The following ENTREP1 variants were observed in gnomAD, a reference collection of about 807,000 sequenced individuals.
ENTREP1 encodes the protein endosomal transmembrane epsin interactor 1, also known as Friedreich ataxia region gene X123.
At chr9:69,387,806 C>T in the ENTREP1 span, 18 of 999,216 alleles carry the variant, frequency 1.8e-5, no homozygotes, top group Non-Finnish European at 2.3e-5. Flanking sequence ...TGGTCAGCCA[C>T]ATTTTTCCTG....
chr9:69,335,344 G>A, the ENTREP1 span, among the ~76,000 whole-genome samples: 17 of 152,296 alleles, frequency 1.1e-4, no homozygotes, highest in East Asian at 1.2e-3. Flanking sequence ...GTGGAGCGGT[G>A]GAATCAGTGA....
chr9:69,391,730 G>A, the ENTREP1 span: 30 of 1,613,830 alleles, frequency 1.9e-5, no homozygotes, highest in South Asian at 6.6e-5. Context: ...GCCCCGAGCC[G>A]AGAGGAGGCC....
the ENTREP1 span, chr9:69,329,378 C>A: frequency 9.6e-5 from 93 of 969,490 alleles, 1 homozygote; most frequent in South Asian, 4.0e-3. Flanking sequence ...GATATTTTTT[C>A]ATATGTATTT....
At chr9:69,391,088 T>C in the ENTREP1 span, among the ~76,000 whole-genome samples, 44 of 152,274 alleles carry the variant, frequency 2.9e-4, 1 homozygote, top group East Asian at 8.1e-3. Flanking sequence ...CTATACTTGG[T>C]TGACATTTTA....
the ENTREP1 span, chr9:69,383,119 G>A: frequency 2.0e-6 from 2 of 985,320 alleles, no homozygotes; most frequent in Non-Finnish European, 2.4e-6. Flanking sequence ...CATGTAGAAT[G>A]TAAGACATAA....
the ENTREP1 span, chr9:69,325,647 C>G: frequency 1.6e-6 from 2 of 1,231,324 alleles, no homozygotes; most frequent in Non-Finnish European, 2.0e-6. Flanking sequence ...TGCATGGTGG[C>G]GCTCAGCTTC....
At chr9:69,328,095 C>G in the ENTREP1 span, among the ~76,000 whole-genome samples, 1 of 152,098 alleles carries the variant, frequency 6.6e-6, no homozygotes, top group Non-Finnish European at 1.5e-5. Flanking sequence ...ACGATGAACC[C>G]ACATATACCT....
chr9:69,383,857 G>A, the ENTREP1 span: 1 of 1,574,028 alleles, frequency 6.4e-7, no homozygotes. Context: ...GGGAGACCGG[G>A]CCCCACACAT....
the ENTREP1 span, among the ~76,000 whole-genome samples, chr9:69,360,083 G>T: frequency 3.9e-5 from 6 of 152,058 alleles, no homozygotes; most frequent in African/African-American, 1.4e-4. Context: ...AGATTATTCG[G>T]CTAGTAAGCC....
chr9:69,363,012 C>T, the ENTREP1 span, among the ~76,000 whole-genome samples: 1 of 152,174 alleles, frequency 6.6e-6, no homozygotes, highest in Non-Finnish European at 1.5e-5. Context: ...ATTAGTTCTG[C>T]ACCTCTAGAG....
chr9:69,385,978 C>A, the ENTREP1 span: 1 of 1,567,570 alleles, frequency 6.4e-7, no homozygotes, highest in Admixed American at 1.9e-5. Flanking sequence ...CTTCGCAGGG[C>A]TGTGTGCTTA....
At chr9:69,331,254 A>C in the ENTREP1 span, among the ~76,000 whole-genome samples, 1 of 152,370 alleles carries the variant, frequency 6.6e-6, no homozygotes, top group African/African-American at 2.4e-5. Context: ...GCAGCTTTTG[A>C]TAAATGATTC....
At chr9:69,327,441 A>G in the ENTREP1 span, among the ~76,000 whole-genome samples, 1 of 152,170 alleles carries the variant, frequency 6.6e-6, no homozygotes, top group East Asian at 1.9e-4. Context: ...ATTTTTAGGA[A>G]TTTGCTCTTT....
the ENTREP1 span, among the ~76,000 whole-genome samples, chr9:69,366,288 G>A: frequency 1.3e-4 from 19 of 151,214 alleles, no homozygotes; most frequent in East Asian, 3.9e-4. Flanking sequence ...GATGTTGTGC[G>A]CTTTTTCACA....
chr9:69,351,001 A>C, the ENTREP1 span, among the ~76,000 whole-genome samples: 2 of 152,224 alleles, frequency 1.3e-5, no homozygotes, highest in African/African-American at 2.4e-5. Context: ...ACTTGTTCAA[A>C]GAGCATTTGA....
the ENTREP1 span, chr9:69,382,921 C>A: frequency 1.5e-6 from 1 of 651,904 alleles, no homozygotes; most frequent in Non-Finnish European, 1.9e-6. Context: ...TGCAGGTGTT[C>A]TGGCTTTTAT....
the ENTREP1 span, chr9:69,386,548 C>T: frequency 6.6e-6 from 1 of 152,128 alleles, no homozygotes; most frequent in Admixed American, 6.5e-5. Context: ...CTAAATATCT[C>T]TTCATTGTAG....
the ENTREP1 span, among the ~76,000 whole-genome samples, chr9:69,347,424 A>G: frequency 6.6e-6 from 1 of 152,198 alleles, no homozygotes; most frequent in African/African-American, 2.4e-5. Context: ...CCTTCTATCA[A>G]ACCCAACTGT....
chr9:69,340,599 A>ATG, the ENTREP1 span, among the ~76,000 whole-genome samples: 1 of 89,058 alleles, frequency 1.1e-5, no homozygotes, highest in African/African-American at 3.7e-5. Context: ...GTGTGCATGC[A>ATG]TGTGTGTGTG....
Sources: allele counts gnomAD v4.1 joint callset (sites outside exome capture counted in the v4.1 genomes callset), GRCh38; gene constraint gnomAD v4.1.1; transcripts MANE v1.5; gene names NCBI Gene and HGNC (gene_info 2026-07-23, HGNC 2026-07-21).